Variants in ADK observed in about 807,000 individuals in gnomAD.
ADK encodes N6,N6-dimethyladenosine kinase.
A neutral mutation model predicts 44.7 loss-of-function variants in ADK; 24 were observed. The observed-to-expected ratio is 0.54, with a 90% CI of 0.39 to 0.76. ADK has a LOEUF of 0.76. Among genes scored for constraint, ADK ranks in the 30% least tolerant of loss-of-function variants. The pLI is 0.00. For synonymous variants in ADK, 128 were observed against 142.6 expected, an observed-to-expected ratio of 0.90 and a Z score of 0.73; for missense variants, 321 against 425.1, an observed-to-expected ratio of 0.76 and a Z score of 2.15.
intron 3 of ADK, among the ~76,000 whole-genome samples, chr10:74,299,515 AAT>A (rs376663637): frequency 4.3e-5 from 6 of 140,530 alleles, no homozygotes; most frequent in African/African-American, 1.0e-4. Flanking sequence ...AAAAAAAAGA[AAT>A]ATATATATAT....
chr10:74,557,383 A>G (rs1319625421), intron 7 of ADK, among the ~76,000 whole-genome samples: 7 of 152,222 alleles, frequency 4.6e-5, no homozygotes, highest in Non-Finnish European at 7.3e-5. Context: ...CTGTGTCTAT[A>G]TAATTTGCAA....
intron 3 of ADK, among the ~76,000 whole-genome samples, chr10:74,229,554 C>A (rs1301951376): frequency 1.3e-5 from 2 of 151,958 alleles, no homozygotes; most frequent in Non-Finnish European, 2.9e-5. Flanking sequence ...CCCACCACCA[C>A]GCCCGGCTAA....
At chr10:74,681,382 G>C (rs191559008) in intron 10 of ADK, among the ~76,000 whole-genome samples, 4 of 152,240 alleles carry the variant, frequency 2.6e-5, no homozygotes, top group African/African-American at 9.6e-5. Context: ...ATGATGTCAC[G>C]TAGGAAAACC....
At chr10:74,565,428 TAAAA>T in intron 7 of ADK, among the ~76,000 whole-genome samples, 1 of 152,142 alleles carries the variant, frequency 6.6e-6, no homozygotes, top group Non-Finnish European at 1.5e-5. Flanking sequence ...ATAATAATAA[TAAAA>T]AAACCATAAA....
intron 8 of ADK, among the ~76,000 whole-genome samples, chr10:74,594,014 A>G (rs1851809322): frequency 6.6e-6 from 1 of 152,154 alleles, no homozygotes; most frequent in Non-Finnish European, 1.5e-5. Context: ...ATCCTTTAGG[A>G]ATCCAGTTCA....
intron 6 of ADK, among the ~76,000 whole-genome samples, chr10:74,479,428 C>A (rs1846985965): frequency 6.9e-6 from 1 of 145,882 alleles, no homozygotes. Flanking sequence ...TTTCTCCCTA[C>A]CCCTCTCTTT....
chr10:74,300,137 A>G (rs1034200052), intron 3 of ADK, among the ~76,000 whole-genome samples: 1 of 151,266 alleles, frequency 6.6e-6, no homozygotes, highest in Admixed American at 6.6e-5. Context: ...TCCTGCCTCA[A>G]GCTCCCAAAG....
At chr10:74,336,345 A>G (rs1210148746) in intron 4 of ADK, among the ~76,000 whole-genome samples, 1 of 152,160 alleles carries the variant, frequency 6.6e-6, no homozygotes, top group East Asian at 1.9e-4. Context: ...ATGTGGTTGT[A>G]TATCTATGTT....
chr10:74,340,287 T>G (rs1312174530), intron 4 of ADK, among the ~76,000 whole-genome samples: 1 of 152,134 alleles, frequency 6.6e-6, no homozygotes, highest in Middle Eastern at 3.2e-3. Flanking sequence ...GTTTATTGTT[T>G]CATTGTGTGT....
At chr10:74,178,656 T>C (rs1022041885) in intron 1 of ADK, among the ~76,000 whole-genome samples, 3 of 152,234 alleles carry the variant, frequency 2.0e-5, no homozygotes, top group Admixed American at 1.3e-4. Context: ...TTGATAGTTT[T>C]TTTTAAAAGA....
intron 6 of ADK, among the ~76,000 whole-genome samples, chr10:74,448,332 A>G (rs1459211474): frequency 6.6e-6 from 1 of 152,152 alleles, no homozygotes; most frequent in African/African-American, 2.4e-5. Context: ...AGTGCTGATT[A>G]TGCCACCTAT....
intron 6 of ADK, among the ~76,000 whole-genome samples, chr10:74,494,233 A>G (rs1271084690): frequency 1.3e-5 from 2 of 152,230 alleles, no homozygotes; most frequent in South Asian, 2.1e-4. Context: ...ACCTACCTCC[A>G]TATTTTTAAT....
At chr10:74,476,025 T>C (rs1450330054) in intron 6 of ADK, among the ~76,000 whole-genome samples, 4 of 152,176 alleles carry the variant, frequency 2.6e-5, no homozygotes, top group Non-Finnish European at 5.9e-5. Flanking sequence ...TTATAATATA[T>C]ATAAAATCGT....
intron 9 of ADK, among the ~76,000 whole-genome samples, chr10:74,606,445 C>T (rs1184107761): frequency 6.6e-6 from 1 of 152,128 alleles, no homozygotes; most frequent in South Asian, 2.1e-4. Context: ...TCTCTGTTCT[C>T]ATTGGTTTTA....
intron 7 of ADK, among the ~76,000 whole-genome samples, chr10:74,554,746 A>G (rs1850174433): frequency 6.6e-6 from 1 of 151,772 alleles, no homozygotes; most frequent in Admixed American, 6.6e-5. Flanking sequence ...GGAGTTTGAG[A>G]CCAGCCTGGA....
chr10:74,611,535 T>C (rs1852545849), intron 9 of ADK, among the ~76,000 whole-genome samples: 1 of 151,702 alleles, frequency 6.6e-6, no homozygotes, highest in South Asian at 2.1e-4. Context: ...GTGTGATACT[T>C]TTTCAGGGTT....
intron 3 of ADK, among the ~76,000 whole-genome samples, chr10:74,306,630 C>G (rs1022582514): frequency 2.0e-5 from 3 of 152,154 alleles, no homozygotes; most frequent in African/African-American, 7.2e-5. Context: ...AGTGTTCACT[C>G]TTTTCTGTAT....
chr10:74,448,278 C>T (rs1400281832), intron 6 of ADK, among the ~76,000 whole-genome samples: 2 of 151,958 alleles, frequency 1.3e-5, no homozygotes, highest in African/African-American at 4.8e-5. Flanking sequence ...ACCTAGTGAA[C>T]ACTTCCCTCC....
At chr10:74,282,226 C>CA (rs974815005) in intron 3 of ADK, among the ~76,000 whole-genome samples, 9 of 151,826 alleles carry the variant, frequency 5.9e-5, no homozygotes, top group African/African-American at 1.5e-4. Context: ...GTAATGTTAC[C>CA]AAAAAATCTC....
Sources: allele counts gnomAD v4.1 joint callset (sites outside exome capture counted in the v4.1 genomes callset), GRCh38; gene constraint gnomAD v4.1.1; transcripts MANE v1.5; gene names NCBI Gene and HGNC (gene_info 2026-07-23, HGNC 2026-07-21).